Variants in CA10 observed in about 807,000 individuals in gnomAD.
CA10 encodes carbonic anhydrase 10 (inactive), also known as carbonic anhydrase-related protein 10.
Under a neutral mutation model 44.2 loss-of-function variants are expected in CA10, and 14 were observed. That is an observed-to-expected ratio of 0.32 (90% CI 0.21 to 0.50). The LOEUF (loss-of-function observed/expected upper bound fraction) is 0.50. Among genes scored for constraint, CA10 ranks in the 20% least tolerant of loss-of-function variants. The pLI is 0.99. For missense variants in CA10, 350 were observed against 409.7 expected (o/e 0.85, Z 1.26); for synonymous variants, 159 against 141.6 (o/e 1.12, Z -0.87).
At chr17:51,665,824 G>A (rs1375397462) in intron 4 of CA10, among the ~76,000 whole-genome samples, 1 of 152,234 alleles carries the variant, frequency 6.6e-6, no homozygotes, top group Non-Finnish European at 1.5e-5. Context: ...AGGAAATCTT[G>A]TTAGGTGGTA....
intron 1 of CA10, among the ~76,000 whole-genome samples, chr17:52,087,192 G>C (rs930571662): frequency 1.3e-5 from 2 of 152,148 alleles, no homozygotes; most frequent in African/African-American, 4.8e-5. Flanking sequence ...CCAGGCTGGA[G>C]GGCAGTGGCC....
At chr17:51,657,648 A>C (rs1001886751) in intron 4 of CA10, among the ~76,000 whole-genome samples, 2 of 152,220 alleles carry the variant, frequency 1.3e-5, no homozygotes, top group Admixed American at 1.3e-4. Context: ...ACACTTTTAA[A>C]TCTCAACCAT....
chr17:52,048,358 G>C (rs1036070527), intron 2 of CA10, among the ~76,000 whole-genome samples: 1 of 152,002 alleles, frequency 6.6e-6, no homozygotes, highest in Non-Finnish European at 1.5e-5. Flanking sequence ...TCTTGCATCT[G>C]TTTATCAAGT....
intron 2 of CA10, among the ~76,000 whole-genome samples, chr17:51,961,741 A>G (rs917085445): frequency 2.0e-5 from 3 of 152,158 alleles, no homozygotes; most frequent in Admixed American, 2.0e-4. Context: ...AACTACCAAA[A>G]CTGACAAGAA....
At chr17:51,698,749 T>A (rs936141366) in intron 4 of CA10, among the ~76,000 whole-genome samples, 1 of 152,222 alleles carries the variant, frequency 6.6e-6, no homozygotes, top group African/African-American at 2.4e-5. Context: ...AACCACCACC[T>A]ACTCTCTGCT....
intron 3 of CA10, among the ~76,000 whole-genome samples, chr17:51,915,078 A>G (rs1415450119): frequency 6.6e-6 from 1 of 152,106 alleles, no homozygotes; most frequent in Non-Finnish European, 1.5e-5. Context: ...TGCTTTCTGT[A>G]TATTACATAC....
At chr17:51,753,137 A>G (rs1363870206) in intron 3 of CA10, among the ~76,000 whole-genome samples, 2 of 152,138 alleles carry the variant, frequency 1.3e-5, no homozygotes, top group African/African-American at 2.4e-5. Context: ...AAGTCCCTCA[A>G]TTTCCTCACC....
intron 2 of CA10, among the ~76,000 whole-genome samples, chr17:51,991,069 A>G (rs1237183775): frequency 6.6e-6 from 1 of 152,134 alleles, no homozygotes; most frequent in Non-Finnish European, 1.5e-5. Context: ...AACTGTGTCA[A>G]CGTGAACTAG....
intron 3 of CA10, among the ~76,000 whole-genome samples, chr17:51,834,911 G>C (rs1262359559): frequency 6.6e-6 from 1 of 152,206 alleles, no homozygotes; most frequent in African/African-American, 2.4e-5. Flanking sequence ...CAGAGGATCA[G>C]TATGACAATT....
chr17:52,152,745 G>A (rs1299432416), intron 1 of CA10, among the ~76,000 whole-genome samples: 1 of 152,062 alleles, frequency 6.6e-6, no homozygotes, highest in Non-Finnish European at 1.5e-5. Context: ...ATCATATATA[G>A]TAATGACACA....
chr17:51,749,901 A>T (rs746959692), intron 3 of CA10, among the ~76,000 whole-genome samples: 11 of 152,192 alleles, frequency 7.2e-5, no homozygotes, highest in South Asian at 2.1e-4. Context: ...AGAGGCCTGA[A>T]CTGTACTTTC....
intron 3 of CA10, among the ~76,000 whole-genome samples, chr17:51,869,459 T>G (rs1979707766): frequency 6.6e-6 from 1 of 152,178 alleles, no homozygotes; most frequent in Admixed American, 6.5e-5. Flanking sequence ...CAGGTCTGTT[T>G]AATATGGGAT....
At chr17:51,823,735 G>C (rs184070134) in intron 3 of CA10, among the ~76,000 whole-genome samples, 3 of 152,168 alleles carry the variant, frequency 2.0e-5, no homozygotes, top group Non-Finnish European at 4.4e-5. Flanking sequence ...CAGAGTTCTG[G>C]AGTTTCAGCT....
At chr17:51,856,432 G>C (rs527485725) in intron 3 of CA10, among the ~76,000 whole-genome samples, 1 of 152,150 alleles carries the variant, frequency 6.6e-6, no homozygotes, top group South Asian at 2.1e-4. Flanking sequence ...AGACCACAAG[G>C]AGTCTAGAAA....
chr17:51,859,783 C>A (rs1287856033), intron 3 of CA10, among the ~76,000 whole-genome samples: 1 of 152,098 alleles, frequency 6.6e-6, no homozygotes, highest in Non-Finnish European at 1.5e-5. Context: ...TATAAAGAGC[C>A]ACATAGATGT....
intron 4 of CA10, among the ~76,000 whole-genome samples, chr17:51,671,508 C>T (rs767188671): frequency 2.6e-5 from 4 of 152,112 alleles, no homozygotes; most frequent in Admixed American, 6.5e-5. Flanking sequence ...GGGTTCACGC[C>T]GTTCTCCTGC....
chr17:51,748,391 A>C lies in CA10; in HGVS notation c.280-573T>G, dbSNP rs189872872. 5.7e-4 allele frequency: 432 copies of C among 757,882 alleles called. No homozygotes were observed. The African/African-American group carries it at 7.8e-3, about 14-fold the overall frequency. 46.9% of individuals were successfully genotyped at this position (757,882 alleles called of 1,614,324 possible). On this transcript the variant is annotated intron_variant, in intron 3 of 8. Transcript: ENST00000451037. ...CTCAAGTGGTAAACTAAAGGGATTC[A>C]CTCAAACTTCCAATTTCATAGATTC...
At chr17:51,972,049 A>G (rs2144071191) in intron 2 of CA10, among the ~76,000 whole-genome samples, 1 of 152,156 alleles carries the variant, frequency 6.6e-6, no homozygotes, top group Non-Finnish European at 1.5e-5. Context: ...GCCTCGGAGG[A>G]AGAAAAAGAT....
rs143544274 is a variant in CA10, at chr17:51,890,400, C to T, written c.279+40590G>A. On this transcript the variant is annotated intron_variant, in intron 3 of 8. Coordinates refer to ENST00000451037, the MANE Select transcript of CA10 (RefSeq NM_020178.5). ...CAATATTTTTGATCCTTGGCTTCCT[C>T]ATTTGTAAAAAATACCAAACCCATA... Among the ~76,000 whole-genome samples the T allele has an allele frequency of 1.9e-3, 285 of 152,270 alleles. 1 individual carries two copies. Among genetic ancestry groups the T allele is most frequent in the African/African-American group, 6.4e-3 (268 of 41,562 alleles).
Sources: allele counts gnomAD v4.1 joint callset (sites outside exome capture counted in the v4.1 genomes callset), GRCh38; gene constraint gnomAD v4.1.1; transcripts MANE v1.5; gene names NCBI Gene and HGNC (gene_info 2026-07-23, HGNC 2026-07-21).